The following LAMA3 variants were observed in gnomAD, a reference collection of about 807,000 sequenced individuals.
LAMA3 encodes the protein laminin subunit alpha-3.
A neutral mutation model predicts 402.0 loss-of-function variants in LAMA3; 281 were observed. That is an observed-to-expected ratio of 0.70 (90% CI 0.63 to 0.77). LAMA3 has a LOEUF of 0.77. Ranked by LOEUF, LAMA3 falls within the 30% of genes least tolerant of loss-of-function variation. The pLI is 0.00. For synonymous variants in LAMA3, 1,431 were observed against 1,558.4 expected (o/e 0.92, Z 1.93); for missense variants, 3,840 against 4,215.5 (o/e 0.91, Z 2.47).
intron 11 of LAMA3, among the ~76,000 whole-genome samples, chr18:23,778,801 T>C (rs1014457985): frequency 3.3e-5 from 5 of 152,278 alleles, no homozygotes; most frequent in Middle Eastern, 3.4e-3. Context: ...CGCCACGGTG[T>C]GGGCCAGCAG....
chr18:23,819,927 G>T lies in LAMA3; in HGVS notation c.2234G>T (p.Arg745Leu), dbSNP rs200367371. ...DGSTPNGRDL[R>L]FGFDPLAFPE... is the part of the protein sequence containing the mutation. Reference sequence around the variant, plus strand: ...AGCACACCTAATGGGAGAGACCTTCGATTTGGATTTGATCCGCTGGCATTT... The same window carrying T: ...AGCACACCTAATGGGAGAGACCTTCTATTTGGATTTGATCCGCTGGCATTT... Residue 745 changes from arginine to leucine, a missense_variant, in exon 19 of 75, where the codon CGA becomes CTA. This residue lies in a region of LAMA3 where 2,109 missense variants were observed against 2,376.0 expected (regional missense o/e 0.89). Transcript: ENST00000313654. The T allele has an allele frequency of 1.2e-6, 2 of 1,614,058 alleles. No homozygotes were observed. The highest frequency in any genetic ancestry group is 2.7e-5 in the African/African-American group (2 of 75,014).
At chr18:23,834,043 C>T in intron 24 of LAMA3, 55 bp downstream of exon 24, 1 of 1,600,326 alleles carries the variant, frequency 6.2e-7, no homozygotes, top group Non-Finnish European at 8.6e-7. Context: ...GGAAATCTGC[C>T]TTAGGAACTT....
intron 42 of LAMA3, among the ~76,000 whole-genome samples, chr18:23,893,241 A>G (rs1294319237): frequency 1.3e-5 from 2 of 152,196 alleles, no homozygotes; most frequent in Admixed American, 6.5e-5. Flanking sequence ...GTGAAGGTAG[A>G]TAGTTTGTTC....
intron 2 of LAMA3, among the ~76,000 whole-genome samples, chr18:23,743,572 A>G (rs1449264929): frequency 6.6e-6 from 1 of 152,246 alleles, no homozygotes; most frequent in Non-Finnish European, 1.5e-5. Flanking sequence ...CAGAGCATGC[A>G]GCACTGGGGT....
chr18:23,934,013 G>A, intron 67 of LAMA3, 78 bp downstream of exon 67: 1 of 1,422,624 alleles, frequency 7.0e-7, no homozygotes, highest in Non-Finnish European at 9.9e-7. Flanking sequence ...GAGATATTGG[G>A]GAAGGGGGTG....
Position 23,871,599 on chromosome 18 carries a change from C to G in LAMA3, c.4936C>G (p.Arg1646Gly). ...GGAAGCCTCTGACACAGGAAGTGGG[C>G]GCATAGCACTTGCTGTGGAAATCTG... ...LEEASDTGSG[R>G]IALAVEICAC... The change falls in exon 38 of 75, where the codon CGC becomes GGC. Residue 1646 changes from arginine to glycine, a missense_variant. Arg to Gly is a moderately radical substitution (Grantham distance 125). This residue lies in a region of LAMA3 where 2,109 missense variants were observed against 2,376.0 expected (regional missense o/e 0.89). Transcript: ENST00000313654. The G allele has an allele frequency of 6.2e-7, 1 of 1,613,980 alleles. No individual in the cohort carries two copies. Among genetic ancestry groups the G allele is most frequent in the Non-Finnish European group, 8.5e-7 (1 of 1,179,926 alleles).
chr18:23,731,713 T>G (rs1172049060), intron 2 of LAMA3, among the ~76,000 whole-genome samples: 2 of 152,122 alleles, frequency 1.3e-5, no homozygotes, highest in Non-Finnish European at 2.9e-5. Flanking sequence ...AGGATAAAGC[T>G]TTTAAAAGGC....
At chr18:23,693,140 T>C (rs1412882460) in intron 1 of LAMA3, among the ~76,000 whole-genome samples, 1 of 152,178 alleles carries the variant, frequency 6.6e-6, no homozygotes, top group Non-Finnish European at 1.5e-5. Flanking sequence ...GGTTGGACGT[T>C]CAAGACCAGC....
intron 8 of LAMA3, among the ~76,000 whole-genome samples, chr18:23,771,463 C>T (rs536159967): frequency 3.3e-5 from 5 of 152,062 alleles, no homozygotes; most frequent in Admixed American, 2.6e-4. Flanking sequence ...TGATATTGCT[C>T]TATATCTAGA....
chr18:23,763,426 C>A lies in LAMA3; in HGVS notation c.1085C>A (p.Ala362Asp). The change falls in exon 8 of 75, where the codon GCC (alanine) becomes GAC (aspartate). Residue 362 changes from alanine to aspartate, a missense_variant. Physicochemically the swap from Ala to Asp is moderately radical, Grantham distance 126. Coordinates refer to ENST00000313654, the MANE Select transcript of LAMA3 (RefSeq NM_198129.4). ...ECEACNCHGH[A>D]SNCYYDPDVE... ...TCAGCATGCAACTGCCACGGCCATGCCAGCAACTGTTACTATGATCCAGAT... is the reference window on the plus strand; with the variant it reads ...TCAGCATGCAACTGCCACGGCCATGACAGCAACTGTTACTATGATCCAGAT... The A allele has an allele frequency of 6.2e-7, 1 of 1,613,398 alleles. No homozygotes were observed. The highest frequency in any genetic ancestry group is 8.5e-7 in the Non-Finnish European group (1 of 1,179,386).
At chr18:23,932,119 C>G in intron 65 of LAMA3, 41 bp from the exon 66 acceptor site, 1 of 1,612,294 alleles carries the variant, frequency 6.2e-7, no homozygotes, top group East Asian at 2.2e-5. Context: ...GCCCTTTTTT[C>G]CAGCAGTTCT....
chr18:23,884,391 T>C lies in LAMA3; in HGVS notation c.5223-382T>C, dbSNP rs570544937. ...TAGAATCAACAAGGAGAACGTTTTT[T>C]TTTAAAGAATCAGAACTCTCTGTTC... On this transcript the variant is annotated intron_variant, in intron 40 of 74. Transcript: ENST00000313654. Among the ~76,000 whole-genome samples, 6 of 152,320 alleles carry C rather than the reference T, an allele frequency of 3.9e-5. No homozygotes were observed. The East Asian group carries it at 1.2e-3, about 29-fold the overall frequency.
At chr18:23,886,379 G>A (rs997051059) in intron 41 of LAMA3, among the ~76,000 whole-genome samples, 4 of 152,194 alleles carry the variant, frequency 2.6e-5, no homozygotes, top group African/African-American at 9.6e-5. Flanking sequence ...GCTCAAACTT[G>A]TAATCCCAGC....
intron 8 of LAMA3, among the ~76,000 whole-genome samples, chr18:23,771,249 G>A (rs2062192390): frequency 6.6e-6 from 1 of 152,228 alleles, no homozygotes; most frequent in Admixed American, 6.5e-5. Context: ...ACTGATGGAT[G>A]CAGCGACATG....
In LAMA3 at chr18:23,775,906, A is replaced by G; in HGVS notation, c.1388A>G (p.Asn463Ser). The G allele has an allele frequency of 1.9e-6, 3 of 1,614,034 alleles. No individual in the cohort carries two copies. The highest frequency in any genetic ancestry group is 2.5e-6 in the Non-Finnish European group (3 of 1,180,008). The stretch of plus-strand genomic sequence containing the variant: ...GAGAAGTGTGCAATTGGATACTACA[A>G]TTTCCCATTTTGCTTGAGTAAGTAC... The part of the protein sequence containing the change: ...NCEKCAIGYY[N>S]FPFCLRIPIF... Residue 463 changes from asparagine (N) to serine (S), a missense_variant, in exon 10 of 75, where the codon AAT becomes AGT. Asn to Ser is a conservative substitution (Grantham distance 46). Around this residue, in one of 3 missense-constraint regions of LAMA3, gnomAD observed 2,109 missense variants for 2,376.0 expected, o/e 0.89. Transcript: ENST00000313654.
At chr18:23,876,569 A>G (rs2064723160) in intron 39 of LAMA3, among the ~76,000 whole-genome samples, 162 bp downstream of exon 39, 1 of 152,230 alleles carries the variant, frequency 6.6e-6, no homozygotes. Flanking sequence ...ATTATTTTAC[A>G]TTTCATTTTC....
At chr18:23,818,860 AT>A (rs889083525) in intron 18 of LAMA3, among the ~76,000 whole-genome samples, 179 of 151,252 alleles carry the variant, frequency 1.2e-3, no homozygotes, top group Non-Finnish European at 1.6e-3. Context: ...ATGGTTATGT[AT>A]TTTTTTTTAT....
intron 50 of LAMA3, 100 bp from the exon 51 acceptor site, chr18:23,904,453 A>AT: frequency 3.2e-6 from 4 of 1,256,688 alleles, no homozygotes; most frequent in Non-Finnish European, 4.4e-6. Context: ...AAAAAAAAAA[A>AT]GAAAGAAAAA....
At chr18:23,859,069 C>T (rs1271564347) in intron 34 of LAMA3, among the ~76,000 whole-genome samples, 2 of 152,116 alleles carry the variant, frequency 1.3e-5, no homozygotes, top group Non-Finnish European at 2.9e-5. Context: ...GTCATCACTC[C>T]CTATTTAACA....
Sources: gnomAD v4.1 joint callset for allele counts (sites outside exome capture counted in the v4.1 genomes callset) on GRCh38, gnomAD v4.1.1 for gene constraint, gnomAD v4.1.1 regional missense constraint, MANE v1.5 for transcripts, NCBI Gene and HGNC (gene_info 2026-07-23, HGNC 2026-07-21) for gene names.